Variants in RPL38 observed in about 807,000 individuals in gnomAD.
RPL38 encodes large ribosomal subunit protein eL38.
In RPL38, 2 loss-of-function variants were observed where a neutral mutation model predicts 12.8. That is an observed-to-expected ratio of 0.16 (90% CI 0.06 to 0.49). The LOEUF (loss-of-function observed/expected upper bound fraction) is 0.49. Among genes scored for constraint, RPL38 ranks in the 20% least tolerant of loss-of-function variants. RPL38 has a pLI of 0.96. For synonymous variants in RPL38, 42 were observed against 30.1 expected (o/e 1.39, Z -1.29); for missense variants, 52 against 79.8 (o/e 0.65, Z 1.33).
intron 2 of RPL38, 46 bp from the exon 3 acceptor site, chr17:74,204,084 G>A (rs529181935): frequency 6.2e-7 from 1 of 1,612,642 alleles, no homozygotes. Context: ...ATCGCCGGGA[G>A]ACGTGTCTCT....
chr17:74,209,320 C>T lies in RPL38; in HGVS notation c.187+11C>T, dbSNP rs527922362. On this transcript the variant is annotated intron_variant, in intron 4 of 4. Transcript: ENST00000311111. ...AGTCCCTGCCCCCCGGTGAGTGAGC[C>T]TGAAGTCACTTCAGGGGCGGGTGGG... is the stretch of plus-strand genomic sequence containing the variant. The T allele has an allele frequency of 5.0e-6, 8 of 1,613,624 alleles. No homozygotes were observed. The East Asian group carries it at 1.6e-4, about 31-fold the overall frequency.
chr17:74,209,308 C>CG lies in RPL38; in HGVS notation c.187+1dup. ...AGAAACTGAAGCAGTCCCTGCCCCC[C>CG]GGTGAGTGAGCCTGAAGTCACTTCA... On this transcript the variant is annotated frameshift_variant and splice_region_variant, in exon 4 of 5. Transcript: ENST00000311111. LOFTEE classifies it high-confidence loss of function. The CG allele has an allele frequency of 1.2e-6, 2 of 1,613,836 alleles. No homozygotes were observed. Among genetic ancestry groups the CG allele is most frequent in the Non-Finnish European group, 1.7e-6 (2 of 1,179,922 alleles).
intron 4 of RPL38, 107 bp downstream of exon 4, chr17:74,209,416 T>C: frequency 7.5e-7 from 1 of 1,333,556 alleles, no homozygotes; most frequent in Non-Finnish European, 1.0e-6. Context: ...AGAGCCCATT[T>C]TATGGTCTAA....
chr17:74,207,064 T>A (rs1266743960), intron 3 of RPL38, among the ~76,000 whole-genome samples: 1 of 151,320 alleles, frequency 6.6e-6, no homozygotes, highest in Non-Finnish European at 1.5e-5. Flanking sequence ...CAGGCTGGAG[T>A]GCAGTGGTGT....
chr17:74,209,379 T>A, intron 4 of RPL38, 70 bp downstream of exon 4: 2 of 1,563,976 alleles, frequency 1.3e-6, no homozygotes, highest in Non-Finnish European at 1.7e-6. Flanking sequence ...CCATGTTGTA[T>A]CTTGTTTTGA....
At chr17:74,208,412 G>A (rs929102361) in intron 3 of RPL38, among the ~76,000 whole-genome samples, 1 of 152,180 alleles carries the variant, frequency 6.6e-6, no homozygotes, top group Non-Finnish European at 1.5e-5. Flanking sequence ...TCCTGAAATA[G>A]AACTTGGCAG....
At chr17:74,205,058 A>G (rs746442095) in intron 3 of RPL38, 1 of 152,258 alleles carries the variant, frequency 6.6e-6, no homozygotes. Flanking sequence ...ACAGAGTTTA[A>G]GTTGGACTGT....
At chr17:74,205,119 G>A (rs2050100652) in intron 3 of RPL38, 1 of 152,238 alleles carries the variant, frequency 6.6e-6, no homozygotes, top group Non-Finnish European at 1.5e-5. Context: ...GGTGATTAAT[G>A]AAAAACCTTA....
At chr17:74,205,593 AAG>A (rs1245167116) in intron 3 of RPL38, 2 of 152,200 alleles carry the variant, frequency 1.3e-5, no homozygotes, top group Non-Finnish European at 2.9e-5. Flanking sequence ...GTTTTGTGTA[AAG>A]AGATGAGGTT....
Position 74,210,634 on chromosome 17 carries a change from T to G in RPL38, c.*805T>G, listed in dbSNP as rs934629867. ...GCCCCTCTGGAAATGACTGGCATCA[T>G]AAAATCTGTCTTCATACCCGAGGTA... On this transcript the variant is annotated 3_prime_UTR_variant, in exon 5 of 5. Transcript: ENST00000311111. 3 of 152,276 alleles carry G rather than the reference T, an allele frequency of 2.0e-5. No individual in the cohort carries two copies. Among genetic ancestry groups the G allele is most frequent in the African/African-American group, 7.2e-5 (3 of 41,460 alleles). The allele number at this position is 152,276 out of a possible 1,614,324, so 9.4% of individuals were successfully genotyped here.
At chr17:74,207,707 T>C (rs7214971) in intron 3 of RPL38, among the ~76,000 whole-genome samples, 1,745 of 152,038 alleles carry the variant, frequency 0.011, 33 homozygotes, top group African/African-American at 0.04. Flanking sequence ...GGTTTCTCCA[T>C]GTTGGTCAGG....
In RPL38 at chr17:74,203,706, T is replaced by C. The variant is rs541788320; in HGVS notation, c.-78T>C. On this transcript the variant is annotated 5_prime_UTR_variant, in exon 1 of 5. Coordinates refer to ENST00000311111, the MANE Select transcript of RPL38 (RefSeq NM_000999.4). Reference sequence around the variant, plus strand: ...TTTCGTCCTTTTCCCCGGTTGCTGCTTGCTGTGAGTGTCTCTAGGGTGATA... The same window carrying C: ...TTTCGTCCTTTTCCCCGGTTGCTGCCTGCTGTGAGTGTCTCTAGGGTGATA... 304 of 513,654 alleles carry C rather than the reference T, an allele frequency of 5.9e-4. No individual in the cohort carries two copies. Among genetic ancestry groups the C allele is most frequent in the Non-Finnish European group, 2.8e-4 (80 of 290,118 alleles). 31.8% of individuals were successfully genotyped at this position (513,654 alleles called of 1,614,324 possible).
intron 3 of RPL38, among the ~76,000 whole-genome samples, chr17:74,208,883 C>G (rs1386379509): frequency 6.6e-6 from 1 of 152,128 alleles, no homozygotes; most frequent in African/African-American, 2.4e-5. Context: ...TTGCAGGGAG[C>G]CAAGATTGCG....
rs1422052590 is a variant in RPL38 at position 74,210,044 on chromosome 17, G to A, written c.*215G>A. ...GCTCTGTGGCTCATCCTGGAGCACAGTGGTGCGATATCAGCTCACTACCAC... is the reference window on the plus strand; with the variant it reads ...GCTCTGTGGCTCATCCTGGAGCACAATGGTGCGATATCAGCTCACTACCAC... On this transcript the variant is annotated 3_prime_UTR_variant, in exon 5 of 5. Coordinates refer to ENST00000311111, the MANE Select transcript of RPL38 (RefSeq NM_000999.4). The A allele has an allele frequency of 2.0e-6, 1 of 498,430 alleles. No individual in the cohort carries two copies. The highest frequency in any genetic ancestry group is 3.5e-5 in the East Asian group (1 of 28,830). 30.9% of individuals were successfully genotyped at this position (498,430 alleles called of 1,614,324 possible).
At chr17:74,207,363 T>G (rs1452987815) in intron 3 of RPL38, among the ~76,000 whole-genome samples, 1 of 152,198 alleles carries the variant, frequency 6.6e-6, no homozygotes, top group African/African-American at 2.4e-5. Flanking sequence ...GTTTGTTTAT[T>G]CGTCTATTGA....
chr17:74,203,978 G>A lies in RPL38; in HGVS notation c.3+20G>A. The A allele has an allele frequency of 6.2e-7, 1 of 1,612,982 alleles. No homozygotes were observed. The highest frequency in any genetic ancestry group is 8.5e-7 in the Non-Finnish European group (1 of 1,179,628). On this transcript the variant is annotated intron_variant, in intron 2 of 4. Coordinates refer to ENST00000311111, the MANE Select transcript of RPL38 (RefSeq NM_000999.4). ...GCCATGGTGAGTACAGTCCCTGCCT[G>A]GCGCCTTCCCGGGGTGGGCTCGTGG...
intron 3 of RPL38, among the ~76,000 whole-genome samples, chr17:74,206,726 T>TTTTTTTTTTTTTTC (rs2050118187): frequency 6.9e-6 from 1 of 145,240 alleles, no homozygotes; most frequent in African/African-American, 2.6e-5. Flanking sequence ...TTTTTTTTTT[T>TTTTTTTTTTTTTTC]TTTTGACATG....
At chr17:74,209,737 A>G (rs2050147586) in intron 4 of RPL38, 67 bp from the exon 5 acceptor site, 3 of 1,420,812 alleles carry the variant, frequency 2.1e-6, no homozygotes, top group Admixed American at 1.7e-5. Context: ...TAAGTACAAA[A>G]TTTAGACAAG....
intron 3 of RPL38, among the ~76,000 whole-genome samples, chr17:74,207,196 A>G (rs945943525): frequency 6.6e-6 from 1 of 151,416 alleles, no homozygotes; most frequent in African/African-American, 2.4e-5. Flanking sequence ...TGTTTTAGAG[A>G]TGGATCTGTG....
Sources: gnomAD v4.1 joint callset for allele counts (sites outside exome capture counted in the v4.1 genomes callset) on GRCh38, gnomAD v4.1.1 for gene constraint, MANE v1.5 for transcripts, NCBI Gene and HGNC (gene_info 2026-07-23, HGNC 2026-07-21) for gene names.